ALLC: variants seen among roughly 807,000 people sequenced by gnomAD.
ALLC encodes the protein allantoicase, also known as probable inactive allantoicase.
A neutral mutation model predicts 45.0 loss-of-function variants in ALLC; 40 were observed. The ratio of observed to expected loss-of-function variants is 0.89; its 90% confidence interval spans 0.69 to 1.16. ALLC has a LOEUF of 1.16. ALLC is among the 50% of genes most tolerant of loss of function. The probability of loss-of-function intolerance (pLI) is 0.00; values close to 1 mark genes in which losing one functional copy is unlikely to be tolerated. For missense variants in ALLC, 488 were observed against 493.1 expected (o/e 0.99, Z 0.10); for synonymous variants, 176 against 178.1 (o/e 0.99, Z 0.09).
the ALLC span, among the ~76,000 whole-genome samples, chr2:3,648,680 T>A: frequency 1.3e-5 from 2 of 152,192 alleles, no homozygotes; most frequent in Admixed American, 1.3e-4. Flanking sequence ...TCCACGGGGC[T>A]GTAGGCTGTC....
chr2:3,698,471 A>G (rs1667740377), intron 10 of ALLC, among the ~76,000 whole-genome samples: 1 of 152,196 alleles, frequency 6.6e-6, no homozygotes, highest in African/African-American at 2.4e-5. Context: ...AAGGGGAGTG[A>G]CCATTTCTTC....
At chr2:3,651,336 T>G in the ALLC span, among the ~76,000 whole-genome samples, 36 of 782 alleles carry the variant, frequency 0.046, 7 homozygotes, top group African/African-American at 0.16. Flanking sequence ...TGTGTGTGTG[T>G]GTGTGTGTGT....
At chr2:3,658,109 CCT>C (rs1428067688), upstream of ALLC, 2 of 152,432 alleles carry the variant, frequency 1.3e-5, no homozygotes, top group African/African-American at 2.4e-5. Flanking sequence ...GGCTGCTCCC[CCT>C]GTTACTTCCA....
In ALLC at chr2:3,697,736, G is replaced by A. The variant is rs371949452; in HGVS notation, c.850+280G>A. ...CCTGGAGTGCAGTGGCGCAATCTCAGCTCACTGCAACCTCCACCTCCAGGG... is the reference window on the plus strand; with the variant it reads ...CCTGGAGTGCAGTGGCGCAATCTCAACTCACTGCAACCTCCACCTCCAGGG... On this transcript the variant is annotated intron_variant, in intron 10 of 11. Coordinates refer to ENST00000252505, the MANE Select transcript of ALLC (RefSeq NM_018436.4). 5.3e-5 allele frequency among the ~76,000 whole-genome samples: 8 copies of A among 152,032 alleles called. No homozygotes were observed. In the East Asian group the frequency reaches 1.2e-3, roughly 22 times the overall value.
At chr2:3,648,754 C>T in the ALLC span, among the ~76,000 whole-genome samples, 6 of 152,316 alleles carry the variant, frequency 3.9e-5, no homozygotes, top group Non-Finnish European at 7.4e-5. Context: ...TGTGGGCAGA[C>T]GGCCGCCTCT....
At chr2:3,667,641 C>T (rs1666762756) in intron 1 of ALLC, among the ~76,000 whole-genome samples, 1 of 152,226 alleles carries the variant, frequency 6.6e-6, no homozygotes, top group South Asian at 2.1e-4. Flanking sequence ...ACTGTATGAA[C>T]AGCGCACGAC....
intron 7 of ALLC, chr2:3,688,583 C>T (rs1572525479): frequency 4.8e-6 from 1 of 207,828 alleles, no homozygotes; most frequent in Non-Finnish European, 9.9e-6. Context: ...TCATGATTCA[C>T]ACCCCACATA....
intron 10 of ALLC, among the ~76,000 whole-genome samples, chr2:3,699,457 A>G (rs1045750091): frequency 1.3e-5 from 2 of 152,214 alleles, no homozygotes; most frequent in Non-Finnish European, 2.9e-5. Context: ...CAGTGCTGCA[A>G]TGAACATACA....
chr2:3,663,560 A>G lies in ALLC; in HGVS notation c.-63+5266A>G, dbSNP rs191672262. Among the ~76,000 whole-genome samples the G allele has an allele frequency of 1.6e-4, 24 of 151,274 alleles. No individual in the cohort carries two copies. In the East Asian group the frequency reaches 2.5e-3, roughly 16 times the overall value. On this transcript the variant is annotated intron_variant, in intron 1 of 11. Transcript: ENST00000252505. The stretch of plus-strand genomic sequence containing the variant: ...CGGAACAAACCTGCACATCCTGCAC[A>G]TGTACCCCTGAACTTAAAAGTTGGA...
chr2:3,656,162 G>A (rs914322443), upstream of ALLC, among the ~76,000 whole-genome samples: 1 of 152,236 alleles, frequency 6.6e-6, no homozygotes, highest in Non-Finnish European at 1.5e-5. Context: ...CTCCATCATC[G>A]CAGGCTGATC....
At chr2:3,651,566 A>G in the ALLC span, among the ~76,000 whole-genome samples, 7 of 151,860 alleles carry the variant, frequency 4.6e-5, no homozygotes, top group Non-Finnish European at 8.8e-5. Flanking sequence ...TCTCATCCTC[A>G]GTGGCACCCA....
intron 1 of ALLC, among the ~76,000 whole-genome samples, chr2:3,665,783 T>A (rs1243249416): frequency 6.6e-6 from 1 of 152,218 alleles, no homozygotes; most frequent in Non-Finnish European, 1.5e-5. Context: ...TATGCGTGCA[T>A]GTATCTTTAT....
intron 7 of ALLC, 103 bp downstream of exon 7, chr2:3,683,177 A>C: frequency 7.7e-7 from 1 of 1,291,412 alleles, no homozygotes; most frequent in Non-Finnish European, 1.1e-6. Flanking sequence ...TTGGTAATTG[A>C]TCTCTCTAGC....
At chr2:3,685,288 A>G (rs979213780) in intron 7 of ALLC, among the ~76,000 whole-genome samples, 6 of 140,428 alleles carry the variant, frequency 4.3e-5, no homozygotes, top group Non-Finnish European at 1.6e-5. Flanking sequence ...CTATAAAGAT[A>G]CTACCTGAGA....
intron 10 of ALLC, among the ~76,000 whole-genome samples, chr2:3,699,010 G>A (rs1019609713): frequency 1.3e-5 from 2 of 151,886 alleles, no homozygotes; most frequent in African/African-American, 4.9e-5. Flanking sequence ...TTGGAAAGAC[G>A]GCATTTTATC....
chr2:3,697,609 C>CTCTCTCTG (rs1220121332), intron 10 of ALLC, among the ~76,000 whole-genome samples, 153 bp downstream of exon 10: 49 of 147,024 alleles, frequency 3.3e-4, no homozygotes, highest in Middle Eastern at 3.5e-3. Context: ...ACCCTTAGAA[C>CTCTCTCTG]TCTGTCTGTC....
At chr2:3,646,911 TG>T in the ALLC span, among the ~76,000 whole-genome samples, 1 of 150,054 alleles carries the variant, frequency 6.7e-6, no homozygotes, top group African/African-American at 2.4e-5. Flanking sequence ...GTTTGTGTGT[TG>T]GGGGGCCAGG....
intron 1 of ALLC, 115 bp downstream of exon 1, chr2:3,658,409 G>A (rs1222000568): frequency 1.3e-5 from 2 of 152,222 alleles, no homozygotes; most frequent in South Asian, 2.1e-4. Flanking sequence ...CACTTGGAAG[G>A]TGACAGAGGG....
At chr2:3,660,971 A>G (rs754093576) in intron 1 of ALLC, among the ~76,000 whole-genome samples, 2 of 152,220 alleles carry the variant, frequency 1.3e-5, no homozygotes, top group Non-Finnish European at 2.9e-5. Flanking sequence ...ACATACTGAC[A>G]TACTGATTCT....
Sources: gnomAD v4.1 joint callset for allele counts (sites outside exome capture counted in the v4.1 genomes callset) on GRCh38, gnomAD v4.1.1 for gene constraint, MANE v1.5 for transcripts, NCBI Gene and HGNC (gene_info 2026-07-23, HGNC 2026-07-21) for gene names.